Variants in ABCC9 observed in about 807,000 individuals in gnomAD.
ABCC9 encodes ATP-binding cassette sub-family C member 9.
ABCC9 carries 95 observed loss-of-function variants against 188.3 expected under a neutral mutation model. That is an observed-to-expected ratio of 0.50 (90% CI 0.43 to 0.60). The LOEUF is 0.60. Among genes scored for constraint, ABCC9 ranks in the 20% least tolerant of loss-of-function variants. The pLI is 0.00. For synonymous variants in ABCC9, 659 were observed against 652.7 expected (o/e 1.01, Z -0.15); for missense variants, 1,102 against 1,876.3 (o/e 0.59, Z 7.62).
At chr12:21,845,981 CTTAT>C (rs1324762077) in intron 25 of ABCC9, 149 bp from the exon 26 acceptor site, 2 of 671,878 alleles carry the variant, frequency 3.0e-6, no homozygotes, top group African/African-American at 3.6e-5. Flanking sequence ...TAGGGCAAAC[CTTAT>C]TTCTTTCTGA....
intron 2 of ABCC9, among the ~76,000 whole-genome samples, chr12:21,940,483 C>G (rs1272935464): frequency 3.9e-5 from 6 of 152,174 alleles, no homozygotes; most frequent in African/African-American, 2.4e-5. Flanking sequence ...AGCTAGCTAC[C>G]ATGGCTATAA....
intron 37 of ABCC9, among the ~76,000 whole-genome samples, chr12:21,808,793 A>AG (rs1179178865): frequency 3.3e-5 from 5 of 150,750 alleles, no homozygotes; most frequent in African/African-American, 7.3e-5. Flanking sequence ...AAAAAAAAAA[A>AG]AAAAAAGAAA....
intron 14 of ABCC9, among the ~76,000 whole-genome samples, chr12:21,890,528 T>C (rs1947102325): frequency 6.6e-6 from 1 of 152,176 alleles, no homozygotes; most frequent in African/African-American, 2.4e-5. Flanking sequence ...TTTTTAAGGA[T>C]TCTATGAAAG....
chr12:21,859,025 A>T (rs1469119913), intron 22 of ABCC9, among the ~76,000 whole-genome samples: 1 of 152,180 alleles, frequency 6.6e-6, no homozygotes, highest in African/African-American at 2.4e-5. Flanking sequence ...GTAAATTATT[A>T]GTCCAAGATG....
chr12:21,925,687 C>A, intron 5 of ABCC9: 2 of 626,142 alleles, frequency 3.2e-6, no homozygotes, highest in Non-Finnish European at 5.7e-6. Context: ...TCCCCCACCC[C>A]CCTACACCAC....
intron 30 of ABCC9, among the ~76,000 whole-genome samples, chr12:21,830,777 T>C (rs1307947382): frequency 6.6e-6 from 1 of 152,238 alleles, no homozygotes; most frequent in East Asian, 1.9e-4. Flanking sequence ...GAGTTGAGTA[T>C]CCATGACCCA....
intron 22 of ABCC9, among the ~76,000 whole-genome samples, chr12:21,856,766 G>A (rs908754671): frequency 6.6e-6 from 1 of 152,126 alleles, no homozygotes; most frequent in Non-Finnish European, 1.5e-5. Flanking sequence ...AATAAAGAAA[G>A]GATAACAGGG....
rs147264647 is a variant in ABCC9 at position 21,851,932 on chromosome 12, T to C, written c.2769+165A>G. Among the ~76,000 whole-genome samples the C allele has an allele frequency of 2.9e-3, 435 of 152,276 alleles. 1 individual carries two copies. Among genetic ancestry groups the C allele is most frequent in the African/African-American group, 0.01 (423 of 41,556 alleles). On this transcript the variant is annotated intron_variant, in intron 24 of 39. Transcript: ENST00000261200. ...AGAATTTTATAGGTTCAAAGTACCC[T>C]GTTCATTAATAATATGCAAAGATAC... is the stretch of plus-strand genomic sequence containing the variant.
At chr12:21,877,233 G>C (rs1946405267) in intron 16 of ABCC9, among the ~76,000 whole-genome samples, 1 of 152,126 alleles carries the variant, frequency 6.6e-6, no homozygotes, top group South Asian at 2.1e-4. Flanking sequence ...TATGGGCTCA[G>C]TACCAAAGAG....
At chr12:21,887,735 A>T (rs1946951632) in intron 15 of ABCC9, 91 bp downstream of exon 15, 1 of 897,676 alleles carries the variant, frequency 1.1e-6, no homozygotes. Flanking sequence ...ACTAAAGCTT[A>T]TAATCTCTTC....
intron 37 of ABCC9, among the ~76,000 whole-genome samples, chr12:21,808,778 C>CAAAAA (rs34314026): frequency 1.2e-5 from 1 of 80,502 alleles, no homozygotes; most frequent in Non-Finnish European, 2.5e-5. Flanking sequence ...GAACTTGTCT[C>CAAAAA]AAAAAAAAAA....
chr12:21,840,575 A>C (rs1218410213), intron 29 of ABCC9, among the ~76,000 whole-genome samples: 1 of 152,220 alleles, frequency 6.6e-6, no homozygotes, highest in African/African-American at 2.4e-5. Context: ...AAAGTAAGAC[A>C]TGACTGATAT....
chr12:21,818,025 A>G (rs927566248), intron 32 of ABCC9, 125 bp downstream of exon 32: 17 of 582,280 alleles, frequency 2.9e-5, no homozygotes, highest in African/African-American at 1.7e-4. Context: ...CCACCCCCCA[A>G]TAGGCCCTGG....
intron 30 of ABCC9, among the ~76,000 whole-genome samples, chr12:21,837,021 T>G (rs998259997): frequency 5.3e-5 from 8 of 152,168 alleles, no homozygotes; most frequent in African/African-American, 1.9e-4. Context: ...GAATAGTACC[T>G]GGCATATGTT....
At position 21,818,341 on chromosome 12, in the gene ABCC9, T is replaced by C. The variant is rs954717084; in HGVS notation, c.3670-90A>G. 4 of 942,180 alleles carry C rather than the reference T, an allele frequency of 4.2e-6. No individual in the cohort carries two copies. In the African/African-American group the frequency reaches 6.4e-5, roughly 15 times the overall value. 58.4% of individuals were successfully genotyped at this position (942,180 alleles called of 1,614,324 possible). On this transcript the variant is annotated intron_variant, in intron 31 of 39. Coordinates refer to ENST00000261200, the MANE Select transcript of ABCC9 (RefSeq NM_020297.4). Reference sequence around the variant, plus strand: ...TTTACAGAGGTGATCACTAAGAGAATACACATCATTCCATGTGTGTCCTGT... The same window carrying C: ...TTTACAGAGGTGATCACTAAGAGAACACACATCATTCCATGTGTGTCCTGT...
chr12:21,871,399 A>G (rs1389190313), intron 18 of ABCC9, among the ~76,000 whole-genome samples: 1 of 152,210 alleles, frequency 6.6e-6, no homozygotes, highest in Admixed American at 6.5e-5. Context: ...ACAGGGATAA[A>G]ATGTACACTC....
At chr12:21,834,679 C>T (rs1478493813) in intron 30 of ABCC9, among the ~76,000 whole-genome samples, 1 of 151,690 alleles carries the variant, frequency 6.6e-6, no homozygotes, top group East Asian at 1.9e-4. Context: ...TCGAATGTGT[C>T]TTTTTCCATC....
chr12:21,924,840 A>T (rs762000849), intron 5 of ABCC9: 2 of 152,100 alleles, frequency 1.3e-5, no homozygotes, highest in Non-Finnish European at 2.9e-5. Flanking sequence ...TTCTATTAAG[A>T]TAATTCAAAA....
At chr12:21,910,733 A>C (rs992036920) in intron 9 of ABCC9, 93 bp downstream of exon 9, 1 of 1,180,854 alleles carries the variant, frequency 8.5e-7, no homozygotes, top group African/African-American at 1.5e-5. Context: ...TGAAAATGGA[A>C]TGAAAAAACA....
Sources: allele counts gnomAD v4.1 joint callset (sites outside exome capture counted in the v4.1 genomes callset), GRCh38; gene constraint gnomAD v4.1.1; transcripts MANE v1.5; gene names NCBI Gene and HGNC (gene_info 2026-07-23, HGNC 2026-07-21).